PTPRT: variants seen among roughly 807,000 people sequenced by gnomAD.
The protein encoded by PTPRT is protein tyrosine phosphatase receptor type T.
PTPRT carries 56 observed loss-of-function variants against 176.8 expected under a neutral mutation model. The ratio of observed to expected loss-of-function variants is 0.32; its 90% confidence interval spans 0.26 to 0.40. The LOEUF is 0.40. PTPRT is among the 10% of genes least tolerant of loss of function. The pLI is 1.00. For synonymous variants in PTPRT, 783 were observed against 739.0 expected (o/e 1.06, Z -0.96); for missense variants, 1,540 against 1,908.2 (o/e 0.81, Z 3.60).
At chr20:42,681,785 C>A (rs1042845010) in intron 6 of PTPRT, among the ~76,000 whole-genome samples, 1 of 152,098 alleles carries the variant, frequency 6.6e-6, no homozygotes, top group African/African-American at 2.4e-5. Flanking sequence ...GCCCTGGGAG[C>A]CAGACCTAGG....
intron 15 of PTPRT, among the ~76,000 whole-genome samples, chr20:42,212,821 C>T (rs2055676936): frequency 6.6e-6 from 1 of 152,108 alleles, no homozygotes; most frequent in African/African-American, 2.4e-5. Flanking sequence ...TAAATAACCT[C>T]ATTATTTATT....
the PTPRT span, among the ~76,000 whole-genome samples, chr20:42,049,676 T>G: frequency 2.6e-5 from 4 of 152,196 alleles, no homozygotes; most frequent in African/African-American, 4.8e-5. Flanking sequence ...GGCACCACCA[T>G]GCAGTGAGCT....
chr20:42,192,498 C>T (rs1600657386), intron 16 of PTPRT, among the ~76,000 whole-genome samples: 1 of 152,138 alleles, frequency 6.6e-6, no homozygotes, highest in East Asian at 1.9e-4. Flanking sequence ...ACAAAGAAAC[C>T]CTTTTATGAG....
At chr20:42,385,754 A>G (rs1036771241) in intron 9 of PTPRT, among the ~76,000 whole-genome samples, 3 of 152,002 alleles carry the variant, frequency 2.0e-5, no homozygotes, top group Non-Finnish European at 4.4e-5. Context: ...TGCAGGGGGA[A>G]CTCCCATTTA....
intron 2 of PTPRT, among the ~76,000 whole-genome samples, chr20:42,793,610 T>A (rs2077408944): frequency 1.3e-5 from 2 of 152,176 alleles, no homozygotes; most frequent in Non-Finnish European, 2.9e-5. Context: ...GTCCCAGTTT[T>A]ATGGCCGTGC....
intron 11 of PTPRT, among the ~76,000 whole-genome samples, chr20:42,343,977 G>A (rs1025132349): frequency 6.6e-6 from 1 of 152,222 alleles, no homozygotes; most frequent in Non-Finnish European, 1.5e-5. Context: ...TCAGCTCACT[G>A]CAACCTCTGC....
chr20:42,437,797 G>C (rs2145822335), intron 9 of PTPRT, among the ~76,000 whole-genome samples: 1 of 152,310 alleles, frequency 6.6e-6, no homozygotes, highest in Non-Finnish European at 1.5e-5. Flanking sequence ...AGAGACTTCA[G>C]AACAGAGGCT....
At chr20:42,791,549 A>G (rs1215637008) in intron 2 of PTPRT, 83 bp from the exon 3 acceptor site, 4 of 1,417,124 alleles carry the variant, frequency 2.8e-6, no homozygotes, top group Non-Finnish European at 3.8e-6. Flanking sequence ...ACCCATAAAC[A>G]TGGTGGCCAG....
chr20:42,723,537 T>C (rs1056209892), intron 6 of PTPRT, among the ~76,000 whole-genome samples: 2 of 152,158 alleles, frequency 1.3e-5, no homozygotes, highest in African/African-American at 4.8e-5. Flanking sequence ...TTGTGGCCTG[T>C]GGTCTATCCT....
At chr20:42,038,413 G>A in the PTPRT span, among the ~76,000 whole-genome samples, 2 of 152,282 alleles carry the variant, frequency 1.3e-5, no homozygotes, top group East Asian at 1.9e-4. Context: ...AGAAATGCAC[G>A]AGTGAGTCCA....
chr20:42,199,431 G>A (rs1387996554), intron 15 of PTPRT, 43 bp from the exon 16 acceptor site: 6 of 1,599,642 alleles, frequency 3.8e-6, no homozygotes, highest in Non-Finnish European at 5.1e-6. Flanking sequence ...GTCAGATGGT[G>A]CCAGTTGCAT....
At chr20:42,959,384 T>A (rs1245459046) in intron 1 of PTPRT, among the ~76,000 whole-genome samples, 1 of 152,094 alleles carries the variant, frequency 6.6e-6, no homozygotes, top group African/African-American at 2.4e-5. Context: ...GCGGAATATC[T>A]CAAAGTCAAG....
intron 7 of PTPRT, among the ~76,000 whole-genome samples, chr20:42,574,677 G>A (rs1298783577): frequency 6.6e-6 from 1 of 152,108 alleles, no homozygotes; most frequent in South Asian, 2.1e-4. Flanking sequence ...AAGCTGGGGT[G>A]GGGGTAGGGG....
intron 6 of PTPRT, among the ~76,000 whole-genome samples, chr20:42,755,119 C>CG (rs1216632022): frequency 2.0e-5 from 3 of 152,032 alleles, no homozygotes; most frequent in Admixed American, 6.6e-5. Context: ...GAGGTGTGGG[C>CG]GGGGGGTCAG....
At chr20:43,086,875 A>G (rs1280436264) in intron 1 of PTPRT, among the ~76,000 whole-genome samples, 1 of 152,216 alleles carries the variant, frequency 6.6e-6, no homozygotes, top group African/African-American at 2.4e-5. Flanking sequence ...AGATGTGCCT[A>G]TTAAGGAATG....
At position 42,538,419 on chromosome 20, in the gene PTPRT, C is replaced by A. The variant is rs1192412194; in HGVS notation, c.1154-65857G>T. On this transcript the variant is annotated intron_variant, in intron 7 of 30. Coordinates refer to ENST00000373187, the MANE Select transcript of PTPRT (RefSeq NM_007050.6). ...GGGGTCTTTGGGCTAAATCTCATGT[C>A]CCCTGTTGGAAGAAATTAATAGGTC... Among the ~76,000 whole-genome samples, 5 of 152,244 alleles carry A rather than the reference C, an allele frequency of 3.3e-5. No homozygotes were observed. In the East Asian group the frequency reaches 5.8e-4, roughly 18 times the overall value.
chr20:42,512,326 C>T (rs551082025), intron 7 of PTPRT, among the ~76,000 whole-genome samples: 7 of 152,258 alleles, frequency 4.6e-5, no homozygotes, highest in African/African-American at 1.2e-4. Context: ...TGGCAACCAC[C>T]GAACTCTTTT....
chr20:43,020,201 TTA>T (rs1985603242), intron 1 of PTPRT, among the ~76,000 whole-genome samples: 1 of 141,488 alleles, frequency 7.1e-6, no homozygotes, highest in South Asian at 2.3e-4. Flanking sequence ...TAATATGTAA[TTA>T]TATATGATAT....
chr20:42,363,089 G>A (rs1185090883), intron 9 of PTPRT, among the ~76,000 whole-genome samples: 1 of 104,288 alleles, frequency 9.6e-6, no homozygotes, highest in Non-Finnish European at 1.7e-5. Context: ...GGGCGACAGA[G>A]CAAGACTCCA....
Sources: gnomAD v4.1 joint callset for allele counts (sites outside exome capture counted in the v4.1 genomes callset) on GRCh38, gnomAD v4.1.1 for gene constraint, MANE v1.5 for transcripts, NCBI Gene and HGNC (gene_info 2026-07-23, HGNC 2026-07-21) for gene names.